AGTPBP1: variants seen among roughly 807,000 people sequenced by gnomAD.
AGTPBP1 encodes cytosolic carboxypeptidase 1.
AGTPBP1 carries 70 observed loss-of-function variants against 143.9 expected under a neutral mutation model. The observed-to-expected ratio is 0.49, with a 90% CI of 0.40 to 0.59. The LOEUF (loss-of-function observed/expected upper bound fraction) is 0.59. Among genes scored for constraint, AGTPBP1 ranks in the 20% least tolerant of loss-of-function variants. The pLI, the probability that AGTPBP1 is intolerant of heterozygous loss-of-function variation, is 0.00. For synonymous variants in AGTPBP1, 463 were observed against 500.2 expected (o/e 0.93, Z 0.99); for missense variants, 1,229 against 1,464.5 (o/e 0.84, Z 2.62).
At chr9:85,633,855 T>C (rs1831850906) in intron 13 of AGTPBP1, among the ~76,000 whole-genome samples, 1 of 149,704 alleles carries the variant, frequency 6.7e-6, no homozygotes, top group African/African-American at 2.5e-5. Context: ...ATATATTTCA[T>C]ATATAGAACA....
intron 13 of AGTPBP1, among the ~76,000 whole-genome samples, chr9:85,637,321 G>A (rs1195708279): frequency 6.6e-6 from 1 of 152,050 alleles, no homozygotes; most frequent in Non-Finnish European, 1.5e-5. Flanking sequence ...GGGATTACAG[G>A]CATGAGCCAC....
At chr9:85,550,408 C>T (rs1333379817) in intron 25 of AGTPBP1, among the ~76,000 whole-genome samples, 1 of 152,114 alleles carries the variant, frequency 6.6e-6, no homozygotes, top group African/African-American at 2.4e-5. Context: ...TTCTGATACC[C>T]TTCTATTCTA....
intron 2 of AGTPBP1, among the ~76,000 whole-genome samples, chr9:85,705,000 TAAAAG>T (rs1836892037): frequency 1.3e-5 from 2 of 149,196 alleles, no homozygotes; most frequent in Admixed American, 1.3e-4. Context: ...GTATCCAAAA[TAAAAG>T]AGAGAGAAAA....
At chr9:85,729,029 T>TA (rs1452373267) in intron 1 of AGTPBP1, among the ~76,000 whole-genome samples, 1 of 152,172 alleles carries the variant, frequency 6.6e-6, no homozygotes, top group African/African-American at 2.4e-5. Context: ...TAACATTAAT[T>TA]AAAATCAGCT....
At position 85,575,367 on chromosome 9, in the gene AGTPBP1, T is replaced by G; in HGVS notation, c.3451A>C (p.Ser1151Arg). The change falls in exon 25 of 26, where the codon AGC becomes CGC. Residue 1151 changes from serine to arginine, a missense_variant. By Grantham distance (110) the Ser-to-Arg change is moderately radical. Around this residue, in one of 2 missense-constraint regions of AGTPBP1, gnomAD observed 486 missense variants for 652.3 expected, o/e 0.75. Coordinates refer to ENST00000357081, the MANE Select transcript of AGTPBP1 (RefSeq NM_001330701.2). The stretch of plus-strand genomic sequence containing the variant: ...AAATCATTTTCAAAGTCAAGCAGGC[T>G]GGAAGGCAGATTATACTCCAATGGA... ...TSPLEYNLPS[S>R]LLDFENDLIE... 6.2e-7 allele frequency: 1 copy of G among 1,606,092 alleles called. No homozygotes were observed. The highest frequency in any genetic ancestry group is 8.5e-7 in the Non-Finnish European group (1 of 1,177,720).
At chr9:85,741,621 T>G (rs1168635012) in intron 1 of AGTPBP1, 154 bp downstream of exon 1, 2 of 985,262 alleles carry the variant, frequency 2.0e-6, no homozygotes, top group African/African-American at 1.7e-5. Context: ...ACGCGTCACA[T>G]GTGTAACATG....
chr9:85,562,961 T>A (rs971783253), intron 25 of AGTPBP1, among the ~76,000 whole-genome samples: 2 of 152,046 alleles, frequency 1.3e-5, no homozygotes, highest in African/African-American at 4.8e-5. Flanking sequence ...AGAGACCCCA[T>A]AAAGATCCCT....
At chr9:85,706,820 G>T (rs558322530) in intron 2 of AGTPBP1, among the ~76,000 whole-genome samples, 2 of 152,210 alleles carry the variant, frequency 1.3e-5, no homozygotes, top group African/African-American at 4.8e-5. Context: ...AGCTTGCAGT[G>T]AGCCGACATC....
upstream of AGTPBP1, chr9:85,742,016 C>G (rs1202723038): frequency 2.5e-6 from 3 of 1,202,892 alleles, no homozygotes; most frequent in Non-Finnish European, 3.1e-6. Context: ...CCAGCCGGCT[C>G]CCAGCACGCG....
intron 25 of AGTPBP1, among the ~76,000 whole-genome samples, chr9:85,572,382 C>T (rs1043938004): frequency 6.6e-6 from 1 of 151,984 alleles, no homozygotes; most frequent in African/African-American, 2.4e-5. Context: ...GAGTTCTTAA[C>T]CTTTTTTGTG....
chr9:85,587,119 T>C (rs1199663309), intron 21 of AGTPBP1, among the ~76,000 whole-genome samples, 159 bp from the exon 22 acceptor site: 1 of 152,232 alleles, frequency 6.6e-6, no homozygotes, highest in African/African-American at 2.4e-5. Context: ...AAATGCATAC[T>C]ATATTCATTA....
intron 1 of AGTPBP1, 111 bp from the exon 2 acceptor site, chr9:85,712,677 C>A: frequency 2.3e-6 from 1 of 443,128 alleles, no homozygotes; most frequent in Admixed American, 4.4e-5. Flanking sequence ...CACAAGATAA[C>A]ACCGGAAACA....
chr9:85,765,324 A>G, the AGTPBP1 span, among the ~76,000 whole-genome samples: 1 of 152,150 alleles, frequency 6.6e-6, no homozygotes, highest in Non-Finnish European at 1.5e-5. Context: ...ATTACATACA[A>G]GAGATGCCTA....
chr9:85,729,478 A>G (rs1175707878), intron 1 of AGTPBP1, among the ~76,000 whole-genome samples: 1 of 152,228 alleles, frequency 6.6e-6, no homozygotes, highest in East Asian at 1.9e-4. Flanking sequence ...AATTTTTTGC[A>G]TAGGATCTAA....
At chr9:85,712,464 C>T in intron 2 of AGTPBP1, 38 bp downstream of exon 2, 1 of 1,157,194 alleles carries the variant, frequency 8.6e-7, no homozygotes, top group Non-Finnish European at 1.2e-6. Flanking sequence ...TACATTATTT[C>T]TGTAACTTAT....
At chr9:85,548,719 A>C (rs1825872646) in intron 25 of AGTPBP1, among the ~76,000 whole-genome samples, 1 of 148,826 alleles carries the variant, frequency 6.7e-6, no homozygotes, top group African/African-American at 2.5e-5. Flanking sequence ...TCTGTTGCCC[A>C]GGCTGGAGTG....
chr9:85,627,096 G>T (rs78449238), intron 14 of AGTPBP1, among the ~76,000 whole-genome samples: 2 of 152,070 alleles, frequency 1.3e-5, no homozygotes, highest in Admixed American at 1.3e-4. Context: ...TGAATCAAAA[G>T]AATTATGAAA....
the AGTPBP1 span, among the ~76,000 whole-genome samples, chr9:85,755,489 A>C: frequency 6.6e-6 from 1 of 152,112 alleles, no homozygotes; most frequent in Non-Finnish European, 1.5e-5. Flanking sequence ...GCTACAATGC[A>C]AATTGGCTTT....
At position 85,648,426 on chromosome 9, in the gene AGTPBP1, T is replaced by C. The variant is rs141128941; in HGVS notation, c.1088-2008A>G. Among the ~76,000 whole-genome samples the C allele has an allele frequency of 5.3e-5, 8 of 152,324 alleles. No individual in the cohort carries two copies. In the East Asian group the frequency reaches 1.2e-3, roughly 22 times the overall value. On this transcript the variant is annotated intron_variant, in intron 11 of 25. Coordinates refer to ENST00000357081, the MANE Select transcript of AGTPBP1 (RefSeq NM_001330701.2). ...TCACATGGTAACCTGGGTTGATTTA[T>C]ACTTATGCCCTAACGGCAGTTGGTC...
Sources: gnomAD v4.1 joint callset for allele counts (sites outside exome capture counted in the v4.1 genomes callset) on GRCh38, gnomAD v4.1.1 for gene constraint, gnomAD v4.1.1 regional missense constraint, MANE v1.5 for transcripts, NCBI Gene and HGNC (gene_info 2026-07-23, HGNC 2026-07-21) for gene names.